The following LRRC4C variants were observed in gnomAD, a reference collection of about 807,000 sequenced individuals.
The protein encoded by LRRC4C is leucine rich repeat containing 4C.
In LRRC4C, 5 loss-of-function variants were observed where a neutral mutation model predicts 33.6. The observed-to-expected ratio is 0.15, with a 90% confidence interval of 0.08 to 0.31. The LOEUF (loss-of-function observed/expected upper bound fraction) is 0.31, where lower values mean the gene tolerates loss of function less well. LRRC4C is among the 10% of genes least tolerant of loss of function. The pLI is 1.00. For missense variants in LRRC4C, 560 were observed against 796.7 expected, an observed-to-expected ratio of 0.70 and a Z score of 3.58; for synonymous variants, 329 against 302.0, an observed-to-expected ratio of 1.09 and a Z score of -0.93.
At chr11:40,281,980 C>T (rs1943507844) in intron 4 of LRRC4C, among the ~76,000 whole-genome samples, 1 of 152,148 alleles carries the variant, frequency 6.6e-6, no homozygotes, top group Admixed American at 6.5e-5. Flanking sequence ...TGAGCTAAAG[C>T]AAATGGATCC....
At chr11:40,628,127 G>A (rs898908747) in intron 3 of LRRC4C, among the ~76,000 whole-genome samples, 6 of 152,144 alleles carry the variant, frequency 3.9e-5, no homozygotes, top group Non-Finnish European at 8.8e-5. Context: ...CAGATAAAAG[G>A]TACTATGTGG....
intron 1 of LRRC4C, among the ~76,000 whole-genome samples, chr11:41,174,153 A>G (rs950814969): frequency 6.6e-6 from 1 of 152,106 alleles, no homozygotes; most frequent in African/African-American, 2.4e-5. Flanking sequence ...AGGCAAATAA[A>G]CTGATCATAA....
At chr11:40,816,929 A>G (rs1016001193) in intron 2 of LRRC4C, among the ~76,000 whole-genome samples, 1 of 152,170 alleles carries the variant, frequency 6.6e-6, no homozygotes, top group African/African-American at 2.4e-5. Flanking sequence ...TCCTATCACA[A>G]TAGATATCTA....
intron 1 of LRRC4C, among the ~76,000 whole-genome samples, chr11:41,459,106 T>G (rs1361246232): frequency 6.6e-6 from 1 of 152,150 alleles, no homozygotes; most frequent in Non-Finnish European, 1.5e-5. Flanking sequence ...TTAATGTTTT[T>G]CCTCAAATTT....
intron 1 of LRRC4C, among the ~76,000 whole-genome samples, chr11:41,249,040 T>C (rs1395337609): frequency 7.3e-6 from 1 of 136,840 alleles, no homozygotes; most frequent in Non-Finnish European, 1.5e-5. Context: ...TACTGTCTTC[T>C]TTTTTTTTTT....
At chr11:41,052,910 C>T (rs1192310882) in intron 1 of LRRC4C, among the ~76,000 whole-genome samples, 1 of 151,672 alleles carries the variant, frequency 6.6e-6, no homozygotes, top group East Asian at 1.9e-4. Context: ...TTTTTTTTCT[C>T]CCACCATCTT....
intron 2 of LRRC4C, among the ~76,000 whole-genome samples, chr11:40,657,594 T>A (rs1262338997): frequency 6.6e-6 from 1 of 152,220 alleles, no homozygotes; most frequent in Non-Finnish European, 1.5e-5. Context: ...CTCTCACCTA[T>A]CTGTGACCTG....
intron 3 of LRRC4C, among the ~76,000 whole-genome samples, chr11:40,529,951 C>A (rs1030175207): frequency 1.3e-5 from 2 of 151,992 alleles, no homozygotes; most frequent in African/African-American, 4.8e-5. Context: ...CTCATGTACC[C>A]CAGAAATTAA....
intron 3 of LRRC4C, among the ~76,000 whole-genome samples, chr11:40,407,207 C>T (rs958111092): frequency 6.6e-6 from 1 of 152,050 alleles, no homozygotes; most frequent in African/African-American, 2.4e-5. Flanking sequence ...TTCTCTTAGC[C>T]TCCAAAACAA....
intron 2 of LRRC4C, among the ~76,000 whole-genome samples, chr11:40,670,748 TTTTG>T (rs1472284907): frequency 2.0e-5 from 3 of 152,040 alleles, no homozygotes; most frequent in Admixed American, 1.3e-4. Context: ...AAGAAGAACT[TTTTG>T]TTTGTTTGTT....
In LRRC4C at chr11:40,880,434, G is replaced by C. The variant is rs1452034656; in HGVS notation, c.-407+53201C>G. 9.3e-5 allele frequency among the ~76,000 whole-genome samples: 14 copies of C among 150,880 alleles called. No homozygotes were observed. In the Admixed American group the frequency reaches 9.3e-4, roughly 10 times the overall value. On this transcript the variant is annotated intron_variant, in intron 2 of 6. Coordinates refer to ENST00000528697, the MANE Select transcript of LRRC4C (RefSeq NM_001258419.2). Reference sequence around the variant, plus strand: ...TTTTATACCAAGGGTTTTATGCCATGGTTCCCTTTGGAGGAGTTTGACTTT... The same window carrying C: ...TTTTATACCAAGGGTTTTATGCCATCGTTCCCTTTGGAGGAGTTTGACTTT...
At chr11:40,469,944 T>A (rs575323267) in intron 3 of LRRC4C, among the ~76,000 whole-genome samples, 3 of 152,152 alleles carry the variant, frequency 2.0e-5, no homozygotes, top group Non-Finnish European at 4.4e-5. Context: ...AAAGGGCAGC[T>A]GTGGGAGCAG....
At chr11:40,952,547 A>G (rs1363228001) in intron 1 of LRRC4C, among the ~76,000 whole-genome samples, 1 of 151,930 alleles carries the variant, frequency 6.6e-6, no homozygotes, top group Non-Finnish European at 1.5e-5. Context: ...TGCAAATGTA[A>G]TATATTTCAG....
At chr11:40,336,876 C>T (rs1322198402) in intron 3 of LRRC4C, among the ~76,000 whole-genome samples, 1 of 144,026 alleles carries the variant, frequency 6.9e-6, no homozygotes, top group Non-Finnish European at 1.5e-5. Flanking sequence ...ACTCGGGAGG[C>T]TGAGGCAGGA....
At chr11:40,741,072 C>A (rs187517965) in intron 2 of LRRC4C, among the ~76,000 whole-genome samples, 36 of 152,024 alleles carry the variant, frequency 2.4e-4, no homozygotes, top group African/African-American at 7.7e-4. Context: ...TATTATTCAA[C>A]AAACATTTAA....
At chr11:41,112,222 G>A (rs1941872906) in intron 1 of LRRC4C, among the ~76,000 whole-genome samples, 1 of 152,058 alleles carries the variant, frequency 6.6e-6, no homozygotes, top group Non-Finnish European at 1.5e-5. Flanking sequence ...AATGAGGTAA[G>A]TTCCTCACAT....
chr11:40,445,911 T>G (rs1474731491), intron 3 of LRRC4C: 3 of 152,260 alleles, frequency 2.0e-5, no homozygotes, highest in Non-Finnish European at 4.4e-5. Flanking sequence ...ACTCATTACA[T>G]TCATAGAATT....
At chr11:41,004,214 C>G (rs1388632709) in intron 1 of LRRC4C, among the ~76,000 whole-genome samples, 2 of 152,164 alleles carry the variant, frequency 1.3e-5, no homozygotes. Context: ...AAGACTTACT[C>G]CCGGTCTTAG....
At chr11:40,927,526 TGAGTACATAAA>T (rs1957452148) in intron 2 of LRRC4C, among the ~76,000 whole-genome samples, 1 of 152,178 alleles carries the variant, frequency 6.6e-6, no homozygotes, top group Non-Finnish European at 1.5e-5. Context: ...AAAGACACCT[TGAGTACATAAA>T]GAATAGCTAT....
Sources: gnomAD v4.1 joint callset for allele counts (sites outside exome capture counted in the v4.1 genomes callset) on GRCh38, gnomAD v4.1.1 for gene constraint, MANE v1.5 for transcripts, NCBI Gene and HGNC (gene_info 2026-07-23, HGNC 2026-07-21) for gene names.